The following MAN2A2 variants were observed in gnomAD, a reference collection of about 807,000 sequenced individuals.
MAN2A2 encodes mannosidase alpha class 2A member 2.
MAN2A2 carries 79 observed loss-of-function variants against 126.8 expected under a neutral mutation model. The ratio of observed to expected loss-of-function variants is 0.62; its 90% CI spans 0.52 to 0.75. The LOEUF is 0.75. Among genes scored for constraint, MAN2A2 ranks in the 30% least tolerant of loss-of-function variants. MAN2A2 has a pLI of 0.00. For synonymous variants in MAN2A2, 671 were observed against 618.7 expected, an observed-to-expected ratio of 1.08 and a Z score of -1.25; for missense variants, 1,392 against 1,522.4, an observed-to-expected ratio of 0.91 and a Z score of 1.43.
intron 20 of MAN2A2, chr15:90,916,746 C>A: frequency 9.9e-7 from 1 of 1,008,978 alleles, no homozygotes; most frequent in African/African-American, 1.7e-5. Context: ...GCCACTCAGT[C>A]ACTCGTGCAT....
At position 90,919,005 on chromosome 15, in the gene MAN2A2, A is replaced by C. The variant is rs553624268; in HGVS notation, c.3300+250A>C. 3.9e-5 allele frequency among the ~76,000 whole-genome samples: 6 copies of C among 152,298 alleles called. No homozygotes were observed. In the East Asian group the frequency reaches 1.2e-3, roughly 29 times the overall value. ...TATCAAGCAAAGTGGAAAACACCAG[A>C]AATAGAAAACCAGAACCCATCCTGT... is the stretch of plus-strand genomic sequence containing the variant. On this transcript the variant is annotated intron_variant, in intron 22 of 22. Coordinates refer to ENST00000559717, the MANE Select transcript of MAN2A2 (RefSeq NM_006122.4).
At chr15:90,916,376 C>A in intron 20 of MAN2A2, 120 bp downstream of exon 20, 1 of 1,354,232 alleles carries the variant, frequency 7.4e-7, no homozygotes, top group South Asian at 1.3e-5. Context: ...GAGAGTAGGG[C>A]TGAATTCCTG....
At chr15:90,914,084 A>G (rs1000818388) in intron 19 of MAN2A2, among the ~76,000 whole-genome samples, 13 of 152,248 alleles carry the variant, frequency 8.5e-5, no homozygotes, top group African/African-American at 2.9e-4. Flanking sequence ...CACTCCTGTA[A>G]TCCCAGCACT....
At chr15:90,915,866 G>T (rs546048626) in intron 19 of MAN2A2, 2 of 458,152 alleles carry the variant, frequency 4.4e-6, no homozygotes, top group Non-Finnish European at 7.8e-6. Context: ...GTCCCAGAGC[G>T]TGGGGGGTAA....
Position 90,904,246 on chromosome 15 carries a change from C to T in MAN2A2, c.39C>T (p.Ala13=). 6.2e-7 allele frequency: 1 copy of T among 1,614,204 alleles called. No homozygotes were observed. Among genetic ancestry groups the T allele is most frequent in the South Asian group, 1.1e-5 (1 of 91,088 alleles). ...LKKQVTVCGA[A]IFCVAVFSLY... ...AGCAGGTGACAGTGTGTGGGGCTGC[C>T]ATCTTCTGTGTGGCAGTCTTCTCGC... is the stretch of plus-strand genomic sequence containing the variant. The change falls in exon 2 of 23, where the codon GCC becomes GCT. Residue 13 remains alanine, a synonymous_variant. Coordinates refer to ENST00000559717, the MANE Select transcript of MAN2A2 (RefSeq NM_006122.4).
intron 2 of MAN2A2, 60 bp downstream of exon 2, chr15:90,904,399 A>ACCTCCCACCCCGCCGCCTCC: frequency 3.2e-6 from 5 of 1,569,228 alleles, no homozygotes; most frequent in South Asian, 1.2e-5. Flanking sequence ...CAGGGTATGC[A>ACCTCCCACCCCGCCGCCTCC]CCTCCCACCC....
In MAN2A2 at chr15:90,906,750, C is replaced by T; in HGVS notation, c.846C>T (p.Pro282=). The T allele has an allele frequency of 6.2e-7, 1 of 1,612,234 alleles. No individual in the cohort carries two copies. The change falls in exon 7 of 23, where the codon CCC becomes CCT. Residue 282 remains proline (P), a synonymous_variant. Coordinates refer to ENST00000559717, the MANE Select transcript of MAN2A2 (RefSeq NM_006122.4). ...QWLERNLGAT[P]RSGWAVDPFG... is the part of the protein sequence containing the mutation. ...CCATGCCCTGCCCAGGTGCAACCCC[C>T]CGCTCTGGCTGGGCAGTGGACCCCT...
At chr15:90,902,751 C>T (rs2033936032), upstream of MAN2A2, 1 of 146,516 alleles carries the variant, frequency 6.8e-6, no homozygotes, top group Non-Finnish European at 1.5e-5. Flanking sequence ...GGCCCGGCAG[C>T]TTCAGAGGCT....
chr15:90,902,634 C>A (rs928614733), upstream of MAN2A2: 8 of 151,798 alleles, frequency 5.3e-5, no homozygotes, highest in Non-Finnish European at 1.2e-4. Context: ...GGAGCGGGCC[C>A]GGGAGGAGCC....
chr15:90,913,288 C>A lies in MAN2A2; in HGVS notation c.2600C>A (p.Ser867Tyr), dbSNP rs762308529. The A allele has an allele frequency of 6.2e-7, 1 of 1,614,068 alleles. No individual in the cohort carries two copies. The highest frequency in any genetic ancestry group is 2.2e-5 in the East Asian group (1 of 44,886). ...CTGTACCCAGGGGTGGAGGGGCTGT[C>A]TCTGGACATATCATCCCTGGTGGAC... Reference protein sequence around the residue: ...LYNLPGVEGLSLDISSLVDIR... With the variant: ...LYNLPGVEGLYLDISSLVDIR... The change falls in exon 18 of 23, where the codon TCT becomes TAT. Residue 867 changes from serine (S) to tyrosine (Y), a missense_variant. Transcript: ENST00000559717.
At chr15:90,912,804 C>G (rs2034861352) in intron 16 of MAN2A2, 73 bp from the exon 17 acceptor site, 2 of 1,552,956 alleles carry the variant, frequency 1.3e-6, no homozygotes, top group African/African-American at 2.7e-5. Flanking sequence ...GCTCTCTTGC[C>G]CAGCCCTGGG....
In MAN2A2 at chr15:90,922,485, G is replaced by C. The variant is rs2035583734; in HGVS notation, c.*2698G>C. 6.6e-6 allele frequency: 1 copy of C among 152,204 alleles called. No homozygotes were observed. Among genetic ancestry groups the C allele is most frequent in the African/African-American group, 2.4e-5 (1 of 41,450 alleles). 9.4% of individuals were successfully genotyped at this position (152,204 alleles called of 1,614,324 possible). ...GATGCTAAGCAGTTCCACTGTGGCA[G>C]GTGTCATTTGCTAGTAGAATTTGTA... On this transcript the variant is annotated 3_prime_UTR_variant, in exon 23 of 23. Coordinates refer to ENST00000559717, the MANE Select transcript of MAN2A2 (RefSeq NM_006122.4).
chr15:90,912,119 C>G lies in MAN2A2; in HGVS notation c.2186C>G (p.Thr729Arg). 6.2e-7 allele frequency: 1 copy of G among 1,613,726 alleles called. No individual in the cohort carries two copies. Among genetic ancestry groups the G allele is most frequent in the Non-Finnish European group, 8.5e-7 (1 of 1,179,970 alleles). ...CAGCTGGGCCTGGATGGGCACCGCA[C>G]GCTGCCCTCCTCTGTGCGCATCTAC... is the stretch of plus-strand genomic sequence containing the variant. ...QLQLGLDGHRTLPSSVRIYLH... is the reference protein window; with the variant it reads ...QLQLGLDGHRRLPSSVRIYLH... The change falls in exon 15 of 23, where the codon ACG (threonine) becomes AGG (arginine). Residue 729 changes from threonine to arginine, a missense_variant. Thr to Arg is a moderately conservative substitution (Grantham distance 71). Coordinates refer to ENST00000559717, the MANE Select transcript of MAN2A2 (RefSeq NM_006122.4).
Position 90,918,044 on chromosome 15 carries a change from C to T in MAN2A2, c.2995-150C>T, listed in dbSNP as rs1441546847. 67 of 694,040 alleles carry T rather than the reference C, an allele frequency of 9.7e-5. No homozygotes were observed. In the South Asian group the frequency reaches 1.2e-3, roughly 12 times the overall value. 43.0% of individuals were successfully genotyped at this position (694,040 alleles called of 1,614,324 possible). A position where few individuals can be genotyped will look rare whatever the true frequency, so the allele number is the denominator to read the frequency against. On this transcript the variant is annotated intron_variant, in intron 20 of 22. Coordinates refer to ENST00000559717, the MANE Select transcript of MAN2A2 (RefSeq NM_006122.4). The stretch of plus-strand genomic sequence containing the variant: ...GTCCACACTTGAAGGGTTAGCGGAA[C>T]CTCGCCTGGAGCCAGGCGTGCCCTT...
chr15:90,912,802 G>T, intron 16 of MAN2A2, 75 bp from the exon 17 acceptor site: 1 of 1,544,048 alleles, frequency 6.5e-7, no homozygotes, highest in Non-Finnish European at 8.9e-7. Context: ...GTGCTCTCTT[G>T]CCCAGCCCTG....
chr15:90,905,660 C>T lies in MAN2A2; in HGVS notation c.472C>T (p.Pro158Ser). Reference protein sequence around the residue: ...WRQGFDISYDPHDWDAEDLQV... With the variant: ...WRQGFDISYDSHDWDAEDLQV... ...GCAAGGCTTCGACATCTCCTACGACCCGCACGACTGGGATGCTGAAGACCT... is the reference window on the plus strand; with the variant it reads ...GCAAGGCTTCGACATCTCCTACGACTCGCACGACTGGGATGCTGAAGACCT... Residue 158 changes from proline (P) to serine (S), a missense_variant, in exon 4 of 23, where the codon CCG becomes TCG. Physicochemically the swap from Pro to Ser is moderately conservative, Grantham distance 74. Coordinates refer to ENST00000559717, the MANE Select transcript of MAN2A2 (RefSeq NM_006122.4). The T allele has an allele frequency of 6.2e-7, 1 of 1,614,168 alleles. No individual in the cohort carries two copies. Among genetic ancestry groups the T allele is most frequent in the Non-Finnish European group, 8.5e-7 (1 of 1,180,016 alleles).
At chr15:90,902,585 C>T (rs867073581), upstream of MAN2A2, 115 of 152,294 alleles carry the variant, frequency 7.6e-4, no homozygotes, top group African/African-American at 2.7e-3. Context: ...GCTGGCCAGG[C>T]CCGGCCCGGG....
chr15:90,912,040 C>T lies in MAN2A2; in HGVS notation c.2110-3C>T, dbSNP rs755824171. Reference sequence around the variant, plus strand: ...CACTTCCTCACCCCTCCTGTGCCCACAGGTGTCTGTGCCTGTCCGCCTGCC... The same window carrying T: ...CACTTCCTCACCCCTCCTGTGCCCATAGGTGTCTGTGCCTGTCCGCCTGCC... On this transcript the variant is annotated splice_region_variant and splice_polypyrimidine_tract_variant and intron_variant, in intron 14 of 22. Coordinates refer to ENST00000559717, the MANE Select transcript of MAN2A2 (RefSeq NM_006122.4). 4 of 1,610,074 alleles carry T rather than the reference C, an allele frequency of 2.5e-6. No homozygotes were observed. The highest frequency in any genetic ancestry group is 2.7e-5 in the African/African-American group (2 of 74,890).
chr15:90,910,384 G>A, intron 10 of MAN2A2, 92 bp downstream of exon 10: 1 of 1,565,362 alleles, frequency 6.4e-7, no homozygotes, highest in Non-Finnish European at 8.8e-7. Flanking sequence ...GGAATAGATA[G>A]GCCCAGAGGC....
Sources: allele counts gnomAD v4.1 joint callset (sites outside exome capture counted in the v4.1 genomes callset), GRCh38; gene constraint gnomAD v4.1.1; transcripts MANE v1.5; gene names NCBI Gene and HGNC (gene_info 2026-07-23, HGNC 2026-07-21).